LTBP1: variants seen among roughly 807,000 people sequenced by gnomAD.
LTBP1 encodes latent-transforming growth factor beta-binding protein 1.
In LTBP1, 129 loss-of-function variants were observed where a neutral mutation model predicts 207.6. The observed-to-expected ratio is 0.62, with a 90% CI of 0.54 to 0.72. The LOEUF is 0.72. Ranked by LOEUF, LTBP1 falls within the 30% of genes least tolerant of loss-of-function variation. The pLI is 0.00. For missense variants in LTBP1, 2,281 were observed against 2,217.2 expected (o/e 1.03, Z -0.58); for synonymous variants, 963 against 833.7 (o/e 1.16, Z -2.67).
At chr2:33,242,705 A>G (rs567565349) in intron 9 of LTBP1, among the ~76,000 whole-genome samples, 1 of 143,308 alleles carries the variant, frequency 7.0e-6, no homozygotes, top group East Asian at 2.0e-4. Flanking sequence ...AAAAAAAAAG[A>G]TTTGTCCATT....
intron 2 of LTBP1, among the ~76,000 whole-genome samples, chr2:32,987,415 G>A (rs746605217): frequency 5.3e-5 from 8 of 152,112 alleles, no homozygotes; most frequent in Non-Finnish European, 1.2e-4. Context: ...AGCTGGGCCA[G>A]CCTTTAGTCA....
intron 22 of LTBP1, among the ~76,000 whole-genome samples, chr2:33,303,786 G>A (rs149527928): frequency 6.6e-6 from 1 of 152,098 alleles, no homozygotes; most frequent in Non-Finnish European, 1.5e-5. Flanking sequence ...GGTAATGCTC[G>A]CTCCCTGCTG....
At chr2:33,237,370 T>A (rs911484833) in intron 9 of LTBP1, among the ~76,000 whole-genome samples, 3 of 152,236 alleles carry the variant, frequency 2.0e-5, no homozygotes, top group Non-Finnish European at 2.9e-5. Flanking sequence ...ACAAAGTCTG[T>A]GTTTTGTGTA....
chr2:33,090,505 G>A (rs1279373762), intron 3 of LTBP1, among the ~76,000 whole-genome samples: 1 of 152,192 alleles, frequency 6.6e-6, no homozygotes, highest in East Asian at 1.9e-4. Context: ...GTTGGGCACA[G>A]TACTAAATGC....
At chr2:33,053,245 A>G (rs1572400149) in intron 3 of LTBP1, among the ~76,000 whole-genome samples, 1 of 151,940 alleles carries the variant, frequency 6.6e-6, no homozygotes, top group African/African-American at 2.4e-5. Context: ...CTTCCTATAT[A>G]CCCTGGCCCC....
At position 33,188,788 on chromosome 2, in the gene LTBP1, C is replaced by T. The variant is rs182421535; in HGVS notation, c.1638C>T (p.His546=). Residue 546 remains histidine (H), a synonymous_variant, in exon 7 of 34, where the codon CAC becomes CAT. Transcript: ENST00000404816. ...STYSHQQVIP[H]VYPVAAKTQL... Reference sequence around the variant, plus strand: ...ACTCCCACCAGCAGGTCATTCCTCACGTCTACCCCGTGGCTGCTAAGACAC... The same window carrying T: ...ACTCCCACCAGCAGGTCATTCCTCATGTCTACCCCGTGGCTGCTAAGACAC... 1.7e-5 allele frequency: 28 copies of T among 1,614,204 alleles called. No individual in the cohort carries two copies. Among genetic ancestry groups the T allele is most frequent in the Admixed American group, 1.2e-4 (7 of 60,030 alleles).
intron 19 of LTBP1, 28 bp downstream of exon 19, chr2:33,280,186 A>G (rs2093531597): frequency 1.3e-6 from 2 of 1,587,912 alleles, no homozygotes; most frequent in Non-Finnish European, 1.7e-6. Flanking sequence ...CTTATCAAAG[A>G]TTTGTTTCTT....
intron 5 of LTBP1, among the ~76,000 whole-genome samples, chr2:33,166,806 C>T (rs984725435): frequency 1.3e-5 from 2 of 152,194 alleles, no homozygotes; most frequent in African/African-American, 4.8e-5. Flanking sequence ...GACATGTTGG[C>T]TCATCTCATC....
chr2:33,115,127 TACAC>T (rs59790199), intron 4 of LTBP1, among the ~76,000 whole-genome samples: 8,011 of 150,888 alleles, frequency 0.053, 681 homozygotes, highest in African/African-American at 0.18. Context: ...CACATATATA[TACAC>T]ACACACACAC....
Position 33,262,723 on chromosome 2 carries a change from AAATACCTTCATTGGATC to A in LTBP1, c.2423_2439del (p.Ile808ArgfsTer6). 1 of 1,562,268 alleles carries A rather than the reference AAATACCTTCATTGGATC, an allele frequency of 6.4e-7. No individual in the cohort carries two copies. Among genetic ancestry groups the A allele is most frequent in the Non-Finnish European group, 8.8e-7 (1 of 1,141,340 alleles). On this transcript the variant is annotated frameshift_variant and splice_region_variant, in exon 14 of 34. Coordinates refer to ENST00000404816, the MANE Select transcript of LTBP1 (RefSeq NM_206943.4). LOFTEE classifies it high-confidence loss of function. Reference sequence around the variant, plus strand: ...CTCTTTTAAAATACAACCATCCAGGAAATACCTTCATTGGATCAAGAGAAAACCAAACTTGAGCCTGG... The same window carrying A: ...CTCTTTTAAAATACAACCATCCAGGAAAGAGAAAACCAAACTTGAGCCTGG...
intron 27 of LTBP1, 52 bp downstream of exon 27, chr2:33,360,831 C>T: frequency 6.5e-7 from 1 of 1,537,004 alleles, no homozygotes; most frequent in South Asian, 1.1e-5. Context: ...CACATGGTGT[C>T]CCTGGGCCTT....
intron 18 of LTBP1, among the ~76,000 whole-genome samples, chr2:33,277,598 C>A (rs901404371): frequency 1.3e-5 from 2 of 151,938 alleles, no homozygotes; most frequent in Non-Finnish European, 2.9e-5. Context: ...TTCTTTAAAT[C>A]TCCCCCCATC....
intron 7 of LTBP1, among the ~76,000 whole-genome samples, chr2:33,195,456 A>G (rs2088440674): frequency 6.6e-6 from 1 of 152,200 alleles, no homozygotes; most frequent in Non-Finnish European, 1.5e-5. Context: ...GAGGGGTACA[A>G]AATTTCAGTG....
chr2:33,331,093 A>C (rs952778849), intron 24 of LTBP1, among the ~76,000 whole-genome samples: 5 of 151,736 alleles, frequency 3.3e-5, no homozygotes, highest in African/African-American at 1.2e-4. Flanking sequence ...ATATGTAGTG[A>C]TCTTTTTTAA....
chr2:33,327,718 C>A (rs1264450732), intron 24 of LTBP1, among the ~76,000 whole-genome samples: 1 of 152,104 alleles, frequency 6.6e-6, no homozygotes, highest in Non-Finnish European at 1.5e-5. Flanking sequence ...TGCCACAATA[C>A]CTGTAACCCA....
At chr2:33,354,996 A>G (rs1355093288) in intron 26 of LTBP1, among the ~76,000 whole-genome samples, 1 of 152,102 alleles carries the variant, frequency 6.6e-6, no homozygotes, top group African/African-American at 2.4e-5. Flanking sequence ...ATATACTCAC[A>G]CTGTTGCATT....
chr2:33,360,700 G>A lies in LTBP1; in HGVS notation c.4104G>A (p.Thr1368=), dbSNP rs570885409. 2.6e-5 allele frequency: 42 copies of A among 1,613,834 alleles called. No individual in the cohort carries two copies. The East Asian group carries it at 5.3e-4, about 21-fold the overall frequency. ...LCDNVLAPNV[T]KQECCCTSGV... is the part of the protein sequence containing the mutation. ...ATAATGTGTTGGCCCCCAATGTCAC[G>A]AAACAAGAATGCTGCTGTACATCAG... The change falls in exon 27 of 34, where the codon ACG becomes ACA. Residue 1368 remains threonine, a synonymous_variant. Transcript: ENST00000404816.
intron 2 of LTBP1, among the ~76,000 whole-genome samples, chr2:32,952,836 C>T (rs1332478222): frequency 6.6e-6 from 1 of 152,106 alleles, no homozygotes; most frequent in East Asian, 1.9e-4. Flanking sequence ...GCTGGGCTGG[C>T]AGGGTTATGG....
chr2:33,187,504 A>G (rs1167834594), intron 6 of LTBP1, among the ~76,000 whole-genome samples: 1 of 152,248 alleles, frequency 6.6e-6, no homozygotes, highest in Non-Finnish European at 1.5e-5. Context: ...GTAAACAATC[A>G]TTTAACCTCA....
Sources: gnomAD v4.1 joint callset for allele counts (sites outside exome capture counted in the v4.1 genomes callset) on GRCh38, gnomAD v4.1.1 for gene constraint, MANE v1.5 for transcripts, NCBI Gene and HGNC (gene_info 2026-07-23, HGNC 2026-07-21) for gene names.